LDLRAD4: variants seen among roughly 807,000 people sequenced by gnomAD.
The protein encoded by LDLRAD4 is low density lipoprotein receptor class A domain containing 4.
A neutral mutation model predicts 17.0 loss-of-function variants in LDLRAD4; 5 were observed. The ratio of observed to expected loss-of-function variants is 0.29; its 90% confidence interval spans 0.15 to 0.62. LDLRAD4 has a LOEUF of 0.62. Ranked by LOEUF, LDLRAD4 falls within the 20% of genes least tolerant of loss-of-function variation. The pLI is 0.84. For synonymous variants in LDLRAD4, 168 were observed against 171.8 expected (o/e 0.98, Z 0.17); for missense variants, 340 against 424.7 (o/e 0.80, Z 1.75).
intron 1 of LDLRAD4, among the ~76,000 whole-genome samples, chr18:13,291,378 G>A (rs2045953554): frequency 2.0e-5 from 3 of 152,244 alleles, no homozygotes; most frequent in African/African-American, 7.2e-5. Flanking sequence ...TAGTTATTGA[G>A]TATTTGCTGA....
At chr18:13,310,612 G>A (rs1028768487) in intron 1 of LDLRAD4, among the ~76,000 whole-genome samples, 42 of 152,012 alleles carry the variant, frequency 2.8e-4, no homozygotes, top group African/African-American at 8.9e-4. Context: ...ACCCCTACCC[G>A]CCCCTTCACC....
intron 1 of LDLRAD4, among the ~76,000 whole-genome samples, chr18:13,236,250 C>G (rs1320030589): frequency 2.0e-5 from 3 of 151,262 alleles, no homozygotes; most frequent in African/African-American, 7.3e-5. Flanking sequence ...CAGAGAAGCA[C>G]TGTTCCATCT....
At chr18:13,469,037 A>C (rs1003203093) in intron 3 of LDLRAD4, among the ~76,000 whole-genome samples, 24 of 152,206 alleles carry the variant, frequency 1.6e-4, no homozygotes. Context: ...ACTCAACAAC[A>C]AAAGGACAAA....
chr18:13,586,921 T>C (rs1169760757), intron 3 of LDLRAD4, among the ~76,000 whole-genome samples: 1 of 151,514 alleles, frequency 6.6e-6, no homozygotes, highest in Non-Finnish European at 1.5e-5. Context: ...TGCACCCCTG[T>C]AACATCACAC....
intron 4 of LDLRAD4, chr18:13,642,178 G>A: frequency 1.0e-6 from 1 of 985,624 alleles, no homozygotes; most frequent in African/African-American, 1.7e-5. Flanking sequence ...TTAGGAAAGG[G>A]CCGTGTTGGA....
chr18:13,231,135 G>T (rs1339865675), intron 1 of LDLRAD4, among the ~76,000 whole-genome samples: 1 of 152,188 alleles, frequency 6.6e-6, no homozygotes, highest in Non-Finnish European at 1.5e-5. Context: ...TGGAATGCGC[G>T]CCACGGGCAG....
At chr18:13,325,491 G>A (rs906882231) in intron 1 of LDLRAD4, among the ~76,000 whole-genome samples, 6 of 152,124 alleles carry the variant, frequency 3.9e-5, no homozygotes, top group African/African-American at 1.4e-4. Flanking sequence ...CTCGCTGCCC[G>A]GCCTGACTCC....
intron 3 of LDLRAD4, among the ~76,000 whole-genome samples, chr18:13,557,623 A>C (rs892660053): frequency 6.6e-6 from 1 of 152,158 alleles, no homozygotes; most frequent in African/African-American, 2.4e-5. Flanking sequence ...AATGGTCTCG[A>C]TCTCCTGACC....
intron 3 of LDLRAD4, among the ~76,000 whole-genome samples, chr18:13,461,756 T>C (rs578061458): frequency 6.6e-6 from 1 of 152,336 alleles, no homozygotes; most frequent in Admixed American, 6.5e-5. Context: ...TTACACCCTA[T>C]GCAAATGTCT....
chr18:13,642,508 AC>A, intron 4 of LDLRAD4: 1 of 1,225,054 alleles, frequency 8.2e-7, no homozygotes, highest in Admixed American at 4.3e-5. Context: ...ATGCTAACTC[AC>A]CAGATGTGAA....
At chr18:13,512,168 T>C (rs868249168) in intron 3 of LDLRAD4, among the ~76,000 whole-genome samples, 2 of 152,234 alleles carry the variant, frequency 1.3e-5, no homozygotes, top group Non-Finnish European at 2.9e-5. Context: ...AGGGTAGATA[T>C]AGGCTGAGTA....
intron 3 of LDLRAD4, among the ~76,000 whole-genome samples, chr18:13,463,404 C>T (rs777927691): frequency 1.3e-5 from 2 of 152,248 alleles, no homozygotes; most frequent in Non-Finnish European, 2.9e-5. Flanking sequence ...ACCTGCCTGA[C>T]GAAGGGAACA....
At chr18:13,317,216 T>G (rs2080980325) in intron 1 of LDLRAD4, among the ~76,000 whole-genome samples, 1 of 152,110 alleles carries the variant, frequency 6.6e-6, no homozygotes, top group Admixed American at 6.6e-5. Flanking sequence ...TAGTTTACTG[T>G]AAAGGCAGGG....
chr18:13,246,687 GA>G (rs1476540149), intron 1 of LDLRAD4, among the ~76,000 whole-genome samples: 1 of 152,184 alleles, frequency 6.6e-6, no homozygotes, highest in Non-Finnish European at 1.5e-5. Flanking sequence ...CAGTGTCTTG[GA>G]AAATTGGCCT....
At chr18:13,462,138 C>G (rs1457568938) in intron 3 of LDLRAD4, 1 of 152,190 alleles carries the variant, frequency 6.6e-6, no homozygotes, top group Non-Finnish European at 1.5e-5. Context: ...CTTCAGATCC[C>G]GTGACAGCTG....
At chr18:13,651,481 C>T (rs1163387557) in exon 6 of LDLRAD4, 1 of 152,244 alleles carries the variant, frequency 6.6e-6, no homozygotes, top group East Asian at 1.9e-4. Context: ...CCATTCATGT[C>T]CCATCATAAT....
At chr18:13,530,912 G>T (rs1157950074) in intron 3 of LDLRAD4, among the ~76,000 whole-genome samples, 2 of 152,164 alleles carry the variant, frequency 1.3e-5, no homozygotes, top group Non-Finnish European at 2.9e-5. Context: ...GTCCTGGGCA[G>T]CGAAACTTCA....
chr18:13,414,311 A>G (rs2088664356), intron 2 of LDLRAD4, among the ~76,000 whole-genome samples: 1 of 152,220 alleles, frequency 6.6e-6, no homozygotes, highest in African/African-American at 2.4e-5. Context: ...AGCCCGTTTC[A>G]TCCTTGTAGG....
At chr18:13,560,460 C>G (rs1354552735) in intron 3 of LDLRAD4, among the ~76,000 whole-genome samples, 1 of 152,208 alleles carries the variant, frequency 6.6e-6, no homozygotes, top group African/African-American at 2.4e-5. Context: ...GTACCTGAGG[C>G]TCTGTGCCAG....
Sources: gnomAD v4.1 joint callset for allele counts (sites outside exome capture counted in the v4.1 genomes callset) on GRCh38, gnomAD v4.1.1 for gene constraint, MANE v1.5 for transcripts, NCBI Gene and HGNC (gene_info 2026-07-23, HGNC 2026-07-21) for gene names.